HOOK3: variants seen among roughly 807,000 people sequenced by gnomAD.
The protein encoded by HOOK3 is protein Hook homolog 3.
In HOOK3, 24 loss-of-function variants were observed where a neutral mutation model predicts 116.3. That is an observed-to-expected ratio of 0.21 (90% CI 0.15 to 0.29). HOOK3 has a LOEUF of 0.29. Ranked by LOEUF, HOOK3 falls within the 10% of genes least tolerant of loss-of-function variation. HOOK3 has a pLI of 1.00. For missense variants in HOOK3, 632 were observed against 830.2 expected (o/e 0.76, Z 2.93); for synonymous variants, 275 against 283.0 (o/e 0.97, Z 0.28).
chr8:42,959,140 G>T (rs906884582), intron 7 of HOOK3, 91 bp from the exon 8 acceptor site: 7 of 766,200 alleles, frequency 9.1e-6, no homozygotes, highest in Admixed American at 4.4e-5. Context: ...AGGAAAGACA[G>T]GGGGGAGATG....
chr8:42,982,272 A>AG (rs1808966008), intron 13 of HOOK3, among the ~76,000 whole-genome samples: 1 of 132,852 alleles, frequency 7.5e-6, no homozygotes, highest in South Asian at 2.3e-4. Flanking sequence ...AAAAAAAAAG[A>AG]AAAAAAAAAA....
chr8:43,012,074 G>C (rs1278453906), intron 19 of HOOK3, among the ~76,000 whole-genome samples: 1 of 152,190 alleles, frequency 6.6e-6, no homozygotes, highest in Non-Finnish European at 1.5e-5. Context: ...TATCTGATCA[G>C]AGACAGAAGT....
chr8:42,957,862 G>T (rs1222854066), intron 7 of HOOK3, among the ~76,000 whole-genome samples: 1 of 145,962 alleles, frequency 6.9e-6, no homozygotes, highest in Non-Finnish European at 1.5e-5. Context: ...CGGAGTCTTG[G>T]TCTATCGCCC....
chr8:42,906,144 C>CT (rs199564080), intron 1 of HOOK3, 29 bp from the exon 2 acceptor site: 17,494 of 639,772 alleles, frequency 0.027, 2,032 homozygotes, highest in Non-Finnish European at 0.037. Context: ...CACAGAATCT[C>CT]TCCCCCCCCC....
intron 2 of HOOK3, among the ~76,000 whole-genome samples, chr8:42,910,520 A>G (rs560878530): frequency 5.9e-5 from 9 of 152,356 alleles, no homozygotes; most frequent in African/African-American, 2.2e-4. Context: ...AAAGATAGCC[A>G]TGATTCTGAC....
intron 1 of HOOK3, among the ~76,000 whole-genome samples, 153 bp from the exon 2 acceptor site, chr8:42,906,020 G>A (rs977033898): frequency 6.6e-6 from 1 of 151,064 alleles, no homozygotes; most frequent in African/African-American, 2.4e-5. Context: ...CTGGGAGGTG[G>A]AGGTTGCAGT....
chr8:42,952,971 T>G (rs1281201560), intron 6 of HOOK3, among the ~76,000 whole-genome samples: 1 of 152,148 alleles, frequency 6.6e-6, no homozygotes, highest in Admixed American at 6.5e-5. Context: ...GGTGCAGTGC[T>G]GGCTTTCATG....
intron 17 of HOOK3, among the ~76,000 whole-genome samples, chr8:43,003,390 C>T (rs1809414112): frequency 6.6e-6 from 1 of 152,022 alleles, no homozygotes; most frequent in Non-Finnish European, 1.5e-5. Flanking sequence ...TTACTTTTGC[C>T]TTTTGTGAGA....
chr8:42,898,922 C>T (rs1204559737), intron 1 of HOOK3, among the ~76,000 whole-genome samples: 2 of 152,162 alleles, frequency 1.3e-5, no homozygotes, highest in African/African-American at 2.4e-5. Flanking sequence ...TACCACAAAA[C>T]GTGTTTTATA....
intron 14 of HOOK3, 36 bp downstream of exon 14, chr8:42,982,732 A>G (rs1808975826): frequency 7.4e-7 from 1 of 1,347,102 alleles, no homozygotes; most frequent in African/African-American, 1.4e-5. Flanking sequence ...TACACTGCAC[A>G]GTATTCTTGG....
At chr8:42,969,170 C>A (rs1808684276) in intron 11 of HOOK3, among the ~76,000 whole-genome samples, 1 of 152,152 alleles carries the variant, frequency 6.6e-6, no homozygotes. Flanking sequence ...AGGTCCTCTA[C>A]TATATATGTG....
At chr8:42,931,152 G>A (rs961070941) in intron 4 of HOOK3, among the ~76,000 whole-genome samples, 8 of 152,040 alleles carry the variant, frequency 5.3e-5, no homozygotes, top group African/African-American at 2.4e-5. Flanking sequence ...CTTTTCTTCC[G>A]TAGCCTTTGC....
At chr8:42,972,757 T>A (rs567666007) in intron 11 of HOOK3, among the ~76,000 whole-genome samples, 6 of 151,996 alleles carry the variant, frequency 3.9e-5, no homozygotes, top group African/African-American at 1.4e-4. Context: ...GCTGATGAAA[T>A]TTTTTTTTCT....
intron 15 of HOOK3, among the ~76,000 whole-genome samples, chr8:42,994,177 G>A (rs868108919): frequency 5.3e-5 from 8 of 151,808 alleles, no homozygotes; most frequent in African/African-American, 1.2e-4. Context: ...CACCACCCCC[G>A]GCTAATTTTT....
At position 42,976,966 on chromosome 8, in the gene HOOK3, C is replaced by T. The variant is rs574175488; in HGVS notation, c.1321+2772C>T. ...AGATTCCCAGGTCCACTCATGCCTA[C>T]AAATCAGGGACTCTGGGGACATGGC... On this transcript the variant is annotated intron_variant, in intron 13 of 21. Coordinates refer to ENST00000307602, the MANE Select transcript of HOOK3 (RefSeq NM_032410.4). Among the ~76,000 whole-genome samples, 77 of 152,284 alleles carry T rather than the reference C, an allele frequency of 5.1e-4. 1 individual carries two copies. Among genetic ancestry groups the T allele is most frequent in the Non-Finnish European group, 4.4e-5 (3 of 68,030 alleles).
intron 2 of HOOK3, among the ~76,000 whole-genome samples, chr8:42,922,277 C>T (rs1047644150): frequency 2.0e-5 from 3 of 152,104 alleles, no homozygotes; most frequent in Admixed American, 2.0e-4. Context: ...TATGGTGGCT[C>T]ATGCCTGTGA....
Position 43,022,158 on chromosome 8 carries a change from C to T in HOOK3, c.*3660C>T, listed in dbSNP as rs756925649. On this transcript the variant is annotated 3_prime_UTR_variant, in exon 22 of 22. Transcript: ENST00000307602. ...AGCCAAGAATAAAATTTAGCTCTAA[C>T]GGTGGCAACTCCATGTCCGGTGTCC... 33 of 199,294 alleles carry T rather than the reference C, an allele frequency of 1.7e-4. No homozygotes were observed. Among genetic ancestry groups the T allele is most frequent in the Non-Finnish European group, 3.3e-4 (32 of 97,520 alleles). 12.3% of individuals were successfully genotyped at this position (199,294 alleles called of 1,614,324 possible).
At chr8:42,950,547 C>T (rs558208929) in intron 6 of HOOK3, 92 bp downstream of exon 6, 10 of 719,124 alleles carry the variant, frequency 1.4e-5, no homozygotes, top group East Asian at 5.3e-5. Flanking sequence ...AAGAGATTCT[C>T]CTCATTTTTA....
chr8:42,974,696 G>A (rs992676430), intron 13 of HOOK3, among the ~76,000 whole-genome samples: 4 of 152,314 alleles, frequency 2.6e-5, no homozygotes, highest in East Asian at 1.9e-4. Context: ...ATGGTGGTCC[G>A]AACCCTTAGT....
Sources: allele counts gnomAD v4.1 joint callset (sites outside exome capture counted in the v4.1 genomes callset), GRCh38; gene constraint gnomAD v4.1.1; transcripts MANE v1.5; gene names NCBI Gene and HGNC (gene_info 2026-07-23, HGNC 2026-07-21).